Variants in RABGAP1L observed in about 807,000 individuals in gnomAD.
RABGAP1L encodes the protein rab GTPase-activating protein 1-like.
In RABGAP1L, 63 loss-of-function variants were observed where a neutral mutation model predicts 137.7. The ratio of observed to expected loss-of-function variants is 0.46; its 90% confidence interval spans 0.37 to 0.56. The LOEUF (loss-of-function observed/expected upper bound fraction) is 0.56. Ranked by LOEUF, RABGAP1L falls within the 20% of genes least tolerant of loss-of-function variation. The pLI, the probability that RABGAP1L is intolerant of heterozygous loss-of-function variation, is 0.00. For missense variants in RABGAP1L, 1,095 were observed against 1,244.0 expected, an observed-to-expected ratio of 0.88 and a Z score of 1.80; for synonymous variants, 431 against 433.7, an observed-to-expected ratio of 0.99 and a Z score of 0.08.
In RABGAP1L at chr1:174,993,812, C is replaced by G. The variant is rs921516700; in HGVS notation, c.*3811C>G. 6.6e-6 allele frequency: 1 copy of G among 152,218 alleles called. No homozygotes were observed. The highest frequency in any genetic ancestry group is 2.4e-5 in the African/African-American group (1 of 41,458). 9.4% of individuals were successfully genotyped at this position (152,218 alleles called of 1,614,324 possible). The stretch of plus-strand genomic sequence containing the variant: ...TTAGCAAGATGATTATATTATATAA[C>G]TTGCCCTTAAAAACACTCCAAAATA... On this transcript the variant is annotated 3_prime_UTR_variant, in exon 26 of 26. Coordinates refer to ENST00000681986, the MANE Select transcript of RABGAP1L (RefSeq NM_001366446.1).
At chr1:174,183,345 C>T (rs1159275184) in intron 1 of RABGAP1L, among the ~76,000 whole-genome samples, 1 of 152,110 alleles carries the variant, frequency 6.6e-6, no homozygotes, top group South Asian at 2.1e-4. Context: ...AGGTTGGTCT[C>T]GAACTTCTGG....
chr1:174,526,418 A>G (rs898318881), intron 13 of RABGAP1L, among the ~76,000 whole-genome samples: 3 of 152,116 alleles, frequency 2.0e-5, no homozygotes, highest in African/African-American at 7.2e-5. Flanking sequence ...GAGGATTGGT[A>G]TTAGTTCTTT....
intron 17 of RABGAP1L, among the ~76,000 whole-genome samples, chr1:174,730,123 C>G (rs1263571043): frequency 1.3e-5 from 2 of 152,096 alleles, no homozygotes; most frequent in Non-Finnish European, 2.9e-5. Flanking sequence ...TTTGCAGCCA[C>G]AAAAAAGAAC....
rs117126077 is a variant in RABGAP1L, at chr1:174,287,243, A to G, written c.1323+8464A>G. 3.9e-4 allele frequency among the ~76,000 whole-genome samples: 59 copies of G among 152,302 alleles called. No homozygotes were observed. The East Asian group carries it at 0.011, about 27-fold the overall frequency. On this transcript the variant is annotated intron_variant, in intron 10 of 25. Coordinates refer to ENST00000681986, the MANE Select transcript of RABGAP1L (RefSeq NM_001366446.1). ...ATGTATTACTATTTACAATAGTTAAATCTTCTTGATGAATTGACCCCTCTG... is the reference window on the plus strand; with the variant it reads ...ATGTATTACTATTTACAATAGTTAAGTCTTCTTGATGAATTGACCCCTCTG...
intron 13 of RABGAP1L, among the ~76,000 whole-genome samples, chr1:174,617,918 C>G (rs1055346707): frequency 5.3e-5 from 8 of 151,994 alleles, no homozygotes; most frequent in Admixed American, 3.9e-4. Flanking sequence ...ACATATGGCA[C>G]CTGGAAAATC....
chr1:174,550,993 T>TACAC lies in RABGAP1L; in HGVS notation c.1711-86381_1711-86380insCACA, dbSNP rs1553330258. ...ATACATGTATATATACATATATATA[T>TACAC]ATACACATATATATATATATATATA... On this transcript the variant is annotated intron_variant, in intron 13 of 25. Coordinates refer to ENST00000681986, the MANE Select transcript of RABGAP1L (RefSeq NM_001366446.1). 1.2e-4 allele frequency among the ~76,000 whole-genome samples: 8 copies of TACAC among 64,464 alleles called. 1 individual carries two copies. Among genetic ancestry groups the TACAC allele is most frequent in the South Asian group, 9.1e-4 (2 of 2,206 alleles). 42.3% of individuals were successfully genotyped at this position (64,464 alleles called of 152,430 possible). A position where few individuals can be genotyped will look rare whatever the true frequency, so the allele number is the denominator to read the frequency against.
At chr1:174,942,891 C>T (rs954601519) in intron 19 of RABGAP1L, among the ~76,000 whole-genome samples, 1 of 152,326 alleles carries the variant, frequency 6.6e-6, no homozygotes, top group South Asian at 2.1e-4. Flanking sequence ...CTGTCACATT[C>T]TACCCTAAAT....
intron 19 of RABGAP1L, among the ~76,000 whole-genome samples, chr1:174,934,695 A>G (rs1664452025): frequency 6.6e-6 from 1 of 151,918 alleles, no homozygotes; most frequent in Admixed American, 6.6e-5. Flanking sequence ...GGAGGGTAAG[A>G]TGGTAGAATG....
chr1:174,221,703 C>T (rs1669770363), intron 3 of RABGAP1L, among the ~76,000 whole-genome samples: 2 of 152,158 alleles, frequency 1.3e-5, no homozygotes, highest in African/African-American at 2.4e-5. Flanking sequence ...GGCTTAAACA[C>T]CACAGGTATA....
chr1:174,733,974 A>G (rs1004088048), intron 17 of RABGAP1L, among the ~76,000 whole-genome samples: 1 of 152,242 alleles, frequency 6.6e-6, no homozygotes, highest in African/African-American at 2.4e-5. Context: ...TTTACCAAGT[A>G]GATCCAAAAA....
intron 11 of RABGAP1L, among the ~76,000 whole-genome samples, chr1:174,336,719 T>A (rs1490933582): frequency 6.6e-6 from 1 of 152,200 alleles, no homozygotes; most frequent in Non-Finnish European, 1.5e-5. Flanking sequence ...TATTAGCTCA[T>A]TTAATCCTCT....
At chr1:174,263,911 A>G (rs1261523869) in intron 7 of RABGAP1L, among the ~76,000 whole-genome samples, 3 of 152,006 alleles carry the variant, frequency 2.0e-5, no homozygotes, top group African/African-American at 4.8e-5. Flanking sequence ...AGTATTAAGT[A>G]CCTATAAATA....
chr1:174,681,381 A>G (rs1275074794), intron 14 of RABGAP1L, among the ~76,000 whole-genome samples: 1 of 152,254 alleles, frequency 6.6e-6, no homozygotes, highest in Non-Finnish European at 1.5e-5. Flanking sequence ...GGAATGAACT[A>G]CCGATGCACA....
At chr1:174,319,203 A>G (rs1451881262) in intron 11 of RABGAP1L, among the ~76,000 whole-genome samples, 1 of 152,038 alleles carries the variant, frequency 6.6e-6, no homozygotes, top group Non-Finnish European at 1.5e-5. Flanking sequence ...GTGACATGAT[A>G]TTCTTTGATT....
chr1:174,559,848 C>G (rs1572325658), intron 13 of RABGAP1L, among the ~76,000 whole-genome samples: 1 of 152,114 alleles, frequency 6.6e-6, no homozygotes. Context: ...AAAAAAGTTC[C>G]CTTTTGGCCG....
chr1:174,715,046 G>T (rs981120907), intron 17 of RABGAP1L, among the ~76,000 whole-genome samples: 2 of 152,188 alleles, frequency 1.3e-5, no homozygotes, highest in Middle Eastern at 3.4e-3. Context: ...ATTATAATTT[G>T]GTCCTCAGGG....
chr1:174,751,167 T>C (rs1290382701), intron 17 of RABGAP1L, among the ~76,000 whole-genome samples: 1 of 152,198 alleles, frequency 6.6e-6, no homozygotes, highest in East Asian at 1.9e-4. Context: ...CAAAAATATT[T>C]GGTTTATATT....
chr1:174,176,741 A>AAAAAAAAAAAAAAAAAAATAAAAT (rs755688394), intron 1 of RABGAP1L, among the ~76,000 whole-genome samples: 4 of 111,778 alleles, frequency 3.6e-5, no homozygotes, highest in African/African-American at 7.1e-5. Context: ...AAAAAAAAAA[A>AAAAAAAAAAAAAAAAAAATAAAAT]AAAAAGGTCA....
intron 17 of RABGAP1L, among the ~76,000 whole-genome samples, chr1:174,747,871 C>CTT (rs5778811): frequency 8.9e-5 from 13 of 146,130 alleles, no homozygotes; most frequent in East Asian, 4.1e-4. Context: ...TGCATTTTAT[C>CTT]TTTTTTTTTT....
Sources: allele counts gnomAD v4.1 joint callset (sites outside exome capture counted in the v4.1 genomes callset), GRCh38; gene constraint gnomAD v4.1.1; transcripts MANE v1.5; gene names NCBI Gene and HGNC (gene_info 2026-07-23, HGNC 2026-07-21).